The following RELN variants were observed in gnomAD, a reference collection of about 807,000 sequenced individuals.
RELN encodes reelin.
RELN carries 108 observed loss-of-function variants against 427.6 expected under a neutral mutation model. The observed-to-expected ratio is 0.25, with a 90% CI of 0.22 to 0.30. The LOEUF is 0.30. Among genes scored for constraint, RELN ranks in the 10% least tolerant of loss-of-function variants. The pLI is 1.00. For missense variants in RELN, 3,715 were observed against 4,302.8 expected (o/e 0.86, Z 3.82); for synonymous variants, 1,524 against 1,513.4 (o/e 1.01, Z -0.16).
At chr7:103,983,364 G>A (rs143314985) in intron 1 of RELN, among the ~76,000 whole-genome samples, 1 of 152,280 alleles carries the variant, frequency 6.6e-6, no homozygotes, top group East Asian at 1.9e-4. Flanking sequence ...CAATGAGATG[G>A]GCATGGCAGG....
intron 2 of RELN, among the ~76,000 whole-genome samples, chr7:103,872,861 T>C (rs922323271): frequency 2.0e-5 from 3 of 151,114 alleles, no homozygotes. Context: ...ATAAATGTCT[T>C]CTTTTGAGAA....
chr7:103,638,493 T>C (rs1267442987), intron 17 of RELN, among the ~76,000 whole-genome samples: 1 of 152,126 alleles, frequency 6.6e-6, no homozygotes, highest in Non-Finnish European at 1.5e-5. Flanking sequence ...AAATATAAAG[T>C]TGCAAAGGTC....
At chr7:103,833,796 T>G in intron 2 of RELN, 124 bp from the exon 3 acceptor site, 2 of 907,866 alleles carry the variant, frequency 2.2e-6, no homozygotes, top group Non-Finnish European at 3.5e-6. Context: ...GGCTTCCCAA[T>G]AAGTTATGTA....
chr7:103,688,371 G>C lies in RELN; in HGVS notation c.1144-6110C>G, dbSNP rs1833805201. On this transcript the variant is annotated intron_variant, in intron 10 of 64. Coordinates refer to ENST00000428762, the MANE Select transcript of RELN (RefSeq NM_005045.4). ...AAGTAAATCTGATTTTCTCTTATTTGTCCTGTATATTGTCAGAATATAAAA... is the reference window on the plus strand; with the variant it reads ...AAGTAAATCTGATTTTCTCTTATTTCTCCTGTATATTGTCAGAATATAAAA... 1.3e-5 allele frequency among the ~76,000 whole-genome samples: 2 copies of C among 151,896 alleles called. 1 individual carries two copies. Among genetic ancestry groups the C allele is most frequent in the South Asian group, 4.2e-4 (2 of 4,816 alleles).
At chr7:103,741,193 C>G (rs499998) in intron 6 of RELN, among the ~76,000 whole-genome samples, 33,272 of 152,012 alleles carry the variant, frequency 0.22, 4,821 homozygotes, top group African/African-American at 0.41. Flanking sequence ...CCAAAACAAA[C>G]TGGGGCTTTG....
intron 2 of RELN, among the ~76,000 whole-genome samples, chr7:103,916,779 C>T (rs1265311906): frequency 6.6e-6 from 1 of 152,042 alleles, no homozygotes; most frequent in Admixed American, 6.6e-5. Context: ...AAATTCCAGC[C>T]ACTTAAGTAA....
chr7:103,892,857 C>T (rs1039230685), intron 2 of RELN, among the ~76,000 whole-genome samples: 2 of 152,088 alleles, frequency 1.3e-5, no homozygotes, highest in African/African-American at 4.8e-5. Context: ...TAACATCTTT[C>T]AGAATATACC....
intron 1 of RELN, among the ~76,000 whole-genome samples, chr7:103,930,761 C>G (rs1795844258): frequency 6.6e-6 from 1 of 152,140 alleles, no homozygotes; most frequent in South Asian, 2.1e-4. Context: ...AGCCACCGTG[C>G]CCAGCCCCAT....
At chr7:103,523,730 C>T (rs188884438) in intron 46 of RELN, among the ~76,000 whole-genome samples, 199 bp from the exon 47 acceptor site, 25 of 152,180 alleles carry the variant, frequency 1.6e-4, no homozygotes, top group Non-Finnish European at 2.2e-4. Context: ...CGGGCTGGAA[C>T]GCAGTGGCAC....
chr7:103,632,402 G>A (rs1458717856), intron 19 of RELN, among the ~76,000 whole-genome samples: 1 of 152,204 alleles, frequency 6.6e-6, no homozygotes, highest in Non-Finnish European at 1.5e-5. Flanking sequence ...CGTATTATCA[G>A]TATATGCCTG....
Position 103,857,618 on chromosome 7 carries a change from TG to T in RELN, c.338-23947del, listed in dbSNP as rs202075347. On this transcript the variant is annotated intron_variant, in intron 2 of 64. Coordinates refer to ENST00000428762, the MANE Select transcript of RELN (RefSeq NM_005045.4). The stretch of plus-strand genomic sequence containing the variant: ...GGCTGAGTATGAATCTGCCTGCATA[TG>T]GTGAGTATGTGGATGCTTGTGCCCA... Among the ~76,000 whole-genome samples the T allele has an allele frequency of 2.4e-4, 36 of 152,288 alleles. 1 individual carries two copies. The South Asian group carries it at 6.2e-3, about 26-fold the overall frequency.
At chr7:103,629,092 G>A (rs868610886) in intron 20 of RELN, among the ~76,000 whole-genome samples, 18 of 152,106 alleles carry the variant, frequency 1.2e-4, no homozygotes, top group Admixed American at 1.2e-3. Flanking sequence ...TATGTGGCTG[G>A]AGCTTCCATG....
intron 1 of RELN, among the ~76,000 whole-genome samples, chr7:103,966,165 G>A (rs1032478173): frequency 1.3e-5 from 2 of 152,098 alleles, no homozygotes; most frequent in Non-Finnish European, 2.9e-5. Flanking sequence ...ACACCAAAAT[G>A]TGAATTATAG....
At chr7:103,708,167 A>G (rs770899453) in intron 8 of RELN, among the ~76,000 whole-genome samples, 1 of 152,192 alleles carries the variant, frequency 6.6e-6, no homozygotes, top group Non-Finnish European at 1.5e-5. Context: ...TAGACAAGTA[A>G]CTTCCCACTT....
chr7:103,594,235 G>A, intron 26 of RELN, 86 bp downstream of exon 26: 1 of 1,287,232 alleles, frequency 7.8e-7, no homozygotes, highest in East Asian at 2.3e-5. Flanking sequence ...TCAGTGTCAA[G>A]CACTAAATCC....
intron 6 of RELN, among the ~76,000 whole-genome samples, chr7:103,738,050 A>G (rs1790538478): frequency 6.6e-6 from 1 of 150,930 alleles, no homozygotes; most frequent in Non-Finnish European, 1.5e-5. Context: ...TCTGCTGAGT[A>G]GGACATCTCT....
At chr7:103,520,741 CATAT>C (rs1327963764) in intron 48 of RELN, among the ~76,000 whole-genome samples, 1 of 151,904 alleles carries the variant, frequency 6.6e-6, no homozygotes, top group Non-Finnish European at 1.5e-5. Context: ...TTTAGTTGAA[CATAT>C]GTGAAAAACT....
intron 4 of RELN, among the ~76,000 whole-genome samples, chr7:103,774,535 A>G (rs951080644): frequency 3.3e-5 from 5 of 152,170 alleles, no homozygotes; most frequent in East Asian, 1.9e-4. Context: ...TTAAAATGGA[A>G]AGGCACTGTG....
intron 11 of RELN, among the ~76,000 whole-genome samples, chr7:103,670,628 A>T (rs1012065): frequency 1.3e-5 from 2 of 151,732 alleles, no homozygotes; most frequent in Non-Finnish European, 2.9e-5. Flanking sequence ...ATGGGGGGGA[A>T]ATTTTAGACT....
Sources: allele counts gnomAD v4.1 joint callset (sites outside exome capture counted in the v4.1 genomes callset), GRCh38; gene constraint gnomAD v4.1.1; transcripts MANE v1.5; gene names NCBI Gene and HGNC (gene_info 2026-07-23, HGNC 2026-07-21).